The following CADPS2 variants were observed in gnomAD, a reference collection of about 807,000 sequenced individuals.
CADPS2 encodes calcium dependent secretion activator 2, also known as calcium-dependent secretion activator 2.
CADPS2 carries 93 observed loss-of-function variants against 172.5 expected under a neutral mutation model. That is an observed-to-expected ratio of 0.54 (90% CI 0.46 to 0.64). The LOEUF (loss-of-function observed/expected upper bound fraction) is 0.64. CADPS2 is among the 30% of genes least tolerant of loss of function. The pLI is 0.00. For missense variants in CADPS2, 1,420 were observed against 1,565.9 expected (o/e 0.91, Z 1.57); for synonymous variants, 546 against 555.2 (o/e 0.98, Z 0.23).
intron 9 of CADPS2, among the ~76,000 whole-genome samples, chr7:122,504,417 C>T (rs977774777): frequency 6.6e-6 from 1 of 152,086 alleles, no homozygotes; most frequent in Non-Finnish European, 1.5e-5. Context: ...ATAGTCAGCA[C>T]CTGATTGACT....
At chr7:122,549,331 CTAAT>C (rs2063961920) in intron 8 of CADPS2, among the ~76,000 whole-genome samples, 1 of 152,120 alleles carries the variant, frequency 6.6e-6, no homozygotes, top group Admixed American at 6.6e-5. Context: ...TACCACTGCA[CTAAT>C]TAATACAAAA....
intron 2 of CADPS2, chr7:122,702,482 G>A (rs780608988): frequency 6.2e-7 from 1 of 1,613,690 alleles, no homozygotes. Context: ...GCTGAAATTG[G>A]TCAAAGGATG....
intron 1 of CADPS2, among the ~76,000 whole-genome samples, chr7:122,840,276 T>C (rs1362235584): frequency 6.6e-6 from 1 of 151,616 alleles, no homozygotes; most frequent in African/African-American, 2.4e-5. Flanking sequence ...CCAGGGCCTG[T>C]TGTGGGGTGG....
intron 23 of CADPS2, 63 bp downstream of exon 23, chr7:122,388,520 T>G: frequency 6.8e-7 from 1 of 1,462,484 alleles, no homozygotes; most frequent in Non-Finnish European, 9.2e-7. Context: ...ATTAGGTACT[T>G]GATAAAAAGT....
chr7:122,445,429 T>C (rs2052026124), intron 15 of CADPS2, among the ~76,000 whole-genome samples: 1 of 152,130 alleles, frequency 6.6e-6, no homozygotes, highest in African/African-American at 2.4e-5. Flanking sequence ...ATCAGGTTGA[T>C]CCCAAAGTAT....
intron 2 of CADPS2, among the ~76,000 whole-genome samples, chr7:122,724,383 C>G (rs1446432784): frequency 2.0e-5 from 3 of 151,774 alleles, no homozygotes; most frequent in East Asian, 1.9e-4. Flanking sequence ...AGTATATGTT[C>G]AGTGTCGTAT....
intron 1 of CADPS2, among the ~76,000 whole-genome samples, chr7:122,739,017 G>A (rs1423557789): frequency 6.6e-6 from 1 of 152,086 alleles, no homozygotes; most frequent in Non-Finnish European, 1.5e-5. Context: ...TTAAGAAAAT[G>A]GAAGCAGGTA....
intron 9 of CADPS2, among the ~76,000 whole-genome samples, chr7:122,496,777 T>C (rs1200341551): frequency 2.0e-5 from 3 of 152,174 alleles, no homozygotes; most frequent in African/African-American, 7.2e-5. Context: ...ATCAGTGTTT[T>C]GTTTGCTTAA....
chr7:122,396,252 C>G (rs551985522), intron 20 of CADPS2, among the ~76,000 whole-genome samples: 1 of 152,304 alleles, frequency 6.6e-6, no homozygotes, highest in Admixed American at 6.5e-5. Context: ...CCATTCCTCA[C>G]TCTGACAACC....
intron 6 of CADPS2, among the ~76,000 whole-genome samples, chr7:122,600,611 A>C (rs1295323394): frequency 1.3e-5 from 2 of 152,114 alleles, no homozygotes; most frequent in Non-Finnish European, 2.9e-5. Flanking sequence ...GCAATGTATA[A>C]TTCTATTGCC....
At chr7:122,596,744 G>A (rs756422149) in intron 6 of CADPS2, among the ~76,000 whole-genome samples, 6 of 152,034 alleles carry the variant, frequency 3.9e-5, no homozygotes, top group East Asian at 3.9e-4. Context: ...ACAGACTTTC[G>A]AATCTAAGAG....
chr7:122,633,223 T>A (rs2076745878), intron 3 of CADPS2, among the ~76,000 whole-genome samples: 1 of 152,230 alleles, frequency 6.6e-6, no homozygotes, highest in Admixed American at 6.5e-5. Context: ...TTTCTAATTC[T>A]GTGAAAAATC....
At chr7:122,562,845 G>T (rs1475277041) in intron 7 of CADPS2, among the ~76,000 whole-genome samples, 2 of 151,908 alleles carry the variant, frequency 1.3e-5, no homozygotes, top group Non-Finnish European at 2.9e-5. Context: ...TTGTATTAAT[G>T]TAGTTAAAGT....
At chr7:122,645,754 A>C (rs1335708378) in intron 3 of CADPS2, among the ~76,000 whole-genome samples, 17 of 144,468 alleles carry the variant, frequency 1.2e-4, no homozygotes, top group Non-Finnish European at 1.8e-4. Context: ...CACTGTGCTT[A>C]CTGTGAATAT....
chr7:122,348,526 A>T (rs796071937), intron 27 of CADPS2, among the ~76,000 whole-genome samples: 28 of 152,174 alleles, frequency 1.8e-4, no homozygotes, highest in South Asian at 1.7e-3. Context: ...TCCTTTTTTT[A>T]AAAAAATTGC....
At chr7:122,525,115 G>A (rs1051897754) in intron 8 of CADPS2, among the ~76,000 whole-genome samples, 2 of 150,770 alleles carry the variant, frequency 1.3e-5, no homozygotes, top group African/African-American at 4.9e-5. Flanking sequence ...ACCACAGCAT[G>A]GACAACACAG....
At chr7:122,521,304 A>G (rs914427623) in intron 8 of CADPS2, among the ~76,000 whole-genome samples, 2 of 152,154 alleles carry the variant, frequency 1.3e-5, no homozygotes, top group Non-Finnish European at 2.9e-5. Context: ...TGACAACAAT[A>G]CAGGCTATCT....
At chr7:122,667,820 T>C (rs1246042542) in intron 2 of CADPS2, among the ~76,000 whole-genome samples, 1 of 149,812 alleles carries the variant, frequency 6.7e-6, no homozygotes, top group East Asian at 2.0e-4. Context: ...AAAAAGAAAA[T>C]AAAAGAACAA....
intron 4 of CADPS2, among the ~76,000 whole-genome samples, chr7:122,624,977 G>C (rs867322608): frequency 6.6e-6 from 1 of 152,158 alleles, no homozygotes; most frequent in Middle Eastern, 3.2e-3. Flanking sequence ...CTTTAAACGG[G>C]GTGGTAGGGG....
Sources: gnomAD v4.1 joint callset for allele counts (sites outside exome capture counted in the v4.1 genomes callset) on GRCh38, gnomAD v4.1.1 for gene constraint, MANE v1.5 for transcripts, NCBI Gene and HGNC (gene_info 2026-07-23, HGNC 2026-07-21) for gene names.